The following LDLRAD4 variants were observed in gnomAD, a reference collection of about 807,000 sequenced individuals.
LDLRAD4 encodes the protein low-density lipoprotein receptor class A domain-containing protein 4.
Under a neutral mutation model 17.0 loss-of-function variants are expected in LDLRAD4, and 5 were observed. That is an observed-to-expected ratio of 0.29 (90% CI 0.15 to 0.62). The LOEUF is 0.62. LDLRAD4 is among the 20% of genes least tolerant of loss of function. The pLI is 0.84. For synonymous variants in LDLRAD4, 168 were observed against 171.8 expected, an observed-to-expected ratio of 0.98 and a Z score of 0.17; for missense variants, 340 against 424.7, an observed-to-expected ratio of 0.80 and a Z score of 1.75.
chr18:13,568,436 A>G (rs1020758793), intron 3 of LDLRAD4, among the ~76,000 whole-genome samples: 12 of 152,242 alleles, frequency 7.9e-5, no homozygotes, highest in Admixed American at 3.3e-4. Context: ...AGGTTGTTTC[A>G]TGGTCTAGAA....
chr18:13,305,253 C>T (rs1211423589), intron 1 of LDLRAD4, among the ~76,000 whole-genome samples: 2 of 152,162 alleles, frequency 1.3e-5, no homozygotes, highest in Non-Finnish European at 2.9e-5. Context: ...TACATATATA[C>T]ATGGTACCAT....
chr18:13,645,594 C>G lies in LDLRAD4; in HGVS notation c.858C>G (p.Asn286Lys). The change falls in exon 6 of 6, where the codon AAC (asparagine) becomes AAG (lysine). Residue 286 changes from asparagine to lysine, a missense_variant. Transcript: ENST00000359446. The surrounding 1 kb of genome is among the most constrained non-coding windows in gnomAD (Gnocchi z 5.7). The stretch of plus-strand genomic sequence containing the variant: ...GCAGCAGACTGCAGTTTCAGCAGAA[C>G]AATGCAGAGAGCACAATAGTACCCA... 1 of 1,586,518 alleles carries G rather than the reference C, an allele frequency of 6.3e-7. No homozygotes were observed. Among genetic ancestry groups the G allele is most frequent in the Admixed American group, 1.8e-5 (1 of 56,094 alleles).
chr18:13,498,301 A>G (rs1013787256), intron 3 of LDLRAD4, among the ~76,000 whole-genome samples: 1 of 111,066 alleles, frequency 9.0e-6, no homozygotes, highest in Admixed American at 9.5e-5. Flanking sequence ...GACACTGGAG[A>G]ATCCTTCTGC....
intron 3 of LDLRAD4, among the ~76,000 whole-genome samples, chr18:13,455,978 T>C (rs1458549880): frequency 6.6e-6 from 1 of 152,132 alleles, no homozygotes; most frequent in African/African-American, 2.4e-5. Context: ...CCGGGACTTC[T>C]GGCAGGAGCG....
chr18:13,630,607 T>C (rs571260253), intron 4 of LDLRAD4, among the ~76,000 whole-genome samples: 38 of 152,318 alleles, frequency 2.5e-4, no homozygotes, highest in African/African-American at 8.4e-4. Flanking sequence ...TACCCAGCAG[T>C]AGTCTTGCTT....
At chr18:13,574,499 C>A (rs770803299) in intron 3 of LDLRAD4, among the ~76,000 whole-genome samples, 70 of 152,196 alleles carry the variant, frequency 4.6e-4, no homozygotes, top group Admixed American at 1.2e-3. Context: ...GTACCCCTAG[C>A]ACCTGCTATT....
chr18:13,375,253 G>A (rs2084819677), intron 1 of LDLRAD4, among the ~76,000 whole-genome samples: 1 of 152,198 alleles, frequency 6.6e-6, no homozygotes, highest in Admixed American at 6.5e-5. Flanking sequence ...GAGAAAAGGA[G>A]GAGGTCTGAA....
At chr18:13,453,595 G>A (rs943414085) in intron 3 of LDLRAD4, among the ~76,000 whole-genome samples, 8 of 152,176 alleles carry the variant, frequency 5.3e-5, no homozygotes, top group Admixed American at 3.3e-4. Context: ...ATAAATATTA[G>A]ATGGAACATT....
In LDLRAD4 at chr18:13,398,404, G is replaced by A. The variant is rs567598361; in HGVS notation, c.40+10642G>A. 8.5e-5 allele frequency among the ~76,000 whole-genome samples: 13 copies of A among 152,064 alleles called. No homozygotes were observed. In the South Asian group the frequency reaches 2.5e-3, roughly 29 times the overall value. ...AAACCTGAAAATGGGAAAAAATGGGGCATTTTATGTTACGTACATTTTACC... is the reference window on the plus strand; with the variant it reads ...AAACCTGAAAATGGGAAAAAATGGGACATTTTATGTTACGTACATTTTACC... On this transcript the variant is annotated intron_variant, in intron 2 of 5. Transcript: ENST00000359446. This position sits in a 1 kb window ranked among gnomAD's most constrained non-coding sequence, Gnocchi z 4.8.
chr18:13,437,059 G>A (rs2090713045), intron 2 of LDLRAD4, among the ~76,000 whole-genome samples: 1 of 152,248 alleles, frequency 6.6e-6, no homozygotes, highest in Non-Finnish European at 1.5e-5. Flanking sequence ...GCTCTCATGG[G>A]GTAGCCCCAC....
rs1488809427 is a variant in LDLRAD4, at chr18:13,398,411, A to G, written c.40+10649A>G. On this transcript the variant is annotated intron_variant, in intron 2 of 5. Coordinates refer to ENST00000359446, the Ensembl canonical transcript of LDLRAD4. The surrounding 1 kb of genome is among the most constrained non-coding windows in gnomAD (Gnocchi z 4.8). ...AAAATGGGAAAAAATGGGGCATTTTATGTTACGTACATTTTACCACAGTGA... is the reference window on the plus strand; with the variant it reads ...AAAATGGGAAAAAATGGGGCATTTTGTGTTACGTACATTTTACCACAGTGA... Among the ~76,000 whole-genome samples the G allele has an allele frequency of 2.0e-5, 3 of 152,156 alleles. No individual in the cohort carries two copies. Among genetic ancestry groups the G allele is most frequent in the Non-Finnish European group, 2.9e-5 (2 of 68,020 alleles).
At chr18:13,544,963 A>G (rs1019371295) in intron 3 of LDLRAD4, among the ~76,000 whole-genome samples, 1 of 148,102 alleles carries the variant, frequency 6.8e-6, no homozygotes, top group African/African-American at 2.5e-5. Context: ...TACTTTTATA[A>G]TTGAAAGTAT....
intron 1 of LDLRAD4, among the ~76,000 whole-genome samples, chr18:13,225,586 G>A (rs1284321435): frequency 6.6e-6 from 1 of 152,236 alleles, no homozygotes; most frequent in East Asian, 1.9e-4. Flanking sequence ...GACCCAAGGT[G>A]CAAGGCCTGT....
In LDLRAD4 at chr18:13,232,823, C is replaced by T. The variant is rs569100707; in HGVS notation, c.-467+13835C>T. ...CCCTGGAAGCTGCGTGTGGGAGAGG[C>T]GCGTGCCAGCTGTGATGCTCGTCCG... On this transcript the variant is annotated intron_variant, in intron 1 of 5. Coordinates refer to the LDLRAD4 transcript ENST00000399848. 3.0e-3 allele frequency among the ~76,000 whole-genome samples: 460 copies of T among 152,246 alleles called. 2 individuals carry two copies. The highest frequency in any genetic ancestry group is 0.011 in the African/African-American group (442 of 41,542).
At chr18:13,641,215 C>T (rs184649241) in intron 4 of LDLRAD4, among the ~76,000 whole-genome samples, 2 of 152,284 alleles carry the variant, frequency 1.3e-5, no homozygotes, top group Non-Finnish European at 2.9e-5. Context: ...GAGGCAGGAT[C>T]ACTTGAGCCC....
chr18:13,234,272 G>A (rs1228222723), intron 1 of LDLRAD4, among the ~76,000 whole-genome samples: 4 of 152,118 alleles, frequency 2.6e-5, no homozygotes, highest in Non-Finnish European at 5.9e-5. Flanking sequence ...CCCCCTCGCC[G>A]CACAGGCCTC....
chr18:13,259,076 C>T lies in LDLRAD4; in HGVS notation c.-466-19029C>T, dbSNP rs991620552. Among the ~76,000 whole-genome samples the T allele has an allele frequency of 3.3e-5, 5 of 152,210 alleles. 1 individual carries two copies. In the South Asian group the frequency reaches 1.0e-3, roughly 32 times the overall value. ...TTCCTGAAACAAATGCTATTTCTGG[C>T]TGCTGCCATTCCCGCAGAGCACTTG... On this transcript the variant is annotated intron_variant, in intron 1 of 5. Coordinates refer to the LDLRAD4 transcript ENST00000399848.
chr18:13,575,701 G>A lies in LDLRAD4; in HGVS notation c.182-45416G>A, dbSNP rs549824513. On this transcript the variant is annotated intron_variant, in intron 3 of 5. Transcript: ENST00000359446. The stretch of plus-strand genomic sequence containing the variant: ...TTACATTCCCACCAGCTGTGTAAAC[G>A]TGTTCCTTTTTCACCGCATCCACGC... 1.4e-4 allele frequency among the ~76,000 whole-genome samples: 22 copies of A among 152,274 alleles called. No individual in the cohort carries two copies. In the South Asian group the frequency reaches 1.7e-3, roughly 11 times the overall value.
chr18:13,501,609 G>C (rs145297049), intron 3 of LDLRAD4, among the ~76,000 whole-genome samples: 37 of 151,754 alleles, frequency 2.4e-4, no homozygotes, highest in Non-Finnish European at 4.9e-4. Context: ...GAATCTTGTA[G>C]GGTGTGTTGT....
Sources: gnomAD v4.1 joint callset for allele counts (sites outside exome capture counted in the v4.1 genomes callset) on GRCh38, gnomAD v4.1.1 for gene constraint, Gnocchi (gnomAD v3.1) non-coding constraint, MANE v1.5 for transcripts, NCBI Gene and HGNC (gene_info 2026-07-23, HGNC 2026-07-21) for gene names.